UQCC1: variants seen among roughly 807,000 people sequenced by gnomAD.
The protein encoded by UQCC1 is ubiquinol-cytochrome c reductase complex assembly factor 1, also known as bFGF-repressed Zic-binding protein.
A neutral mutation model predicts 48.0 loss-of-function variants in UQCC1; 38 were observed. The ratio of observed to expected loss-of-function variants is 0.79; its 90% CI spans 0.61 to 1.04. The LOEUF (loss-of-function observed/expected upper bound fraction) is 1.04, where lower values mean the gene tolerates loss of function less well. UQCC1 is among the 50% of genes least tolerant of loss of function. The probability of loss-of-function intolerance (pLI) is 0.00; values close to 1 mark genes in which losing one functional copy is unlikely to be tolerated. For missense variants in UQCC1, 368 were observed against 381.8 expected (o/e 0.96, Z 0.30); for synonymous variants, 111 against 129.2 (o/e 0.86, Z 0.95).
intron 7 of UQCC1, among the ~76,000 whole-genome samples, chr20:35,333,372 A>G (rs994278783): frequency 1.4e-4 from 21 of 152,350 alleles, no homozygotes; most frequent in African/African-American, 3.8e-4. Context: ...TAAGTAATAA[A>G]GTCTGTGGGG....
rs147303363 is a variant in UQCC1 at position 35,347,173 on chromosome 20, T to C, written c.564A>G (p.Arg188=). Reference sequence around the variant, plus strand: ...GACAGCACTCACTTACCCCCATGACTCTGCCGCGCTGCTGAACATCCTCCC... The same window carrying C: ...GACAGCACTCACTTACCCCCATGACCCTGCCGCGCTGCTGAACATCCTCCC... The part of the protein sequence containing the change: ...FMWEDVQQRG[R]VMGVNPYILK... Residue 188 remains arginine, a synonymous_variant, in exon 7 of 10, where the codon AGA becomes AGG. Coordinates refer to ENST00000374385, the MANE Select transcript of UQCC1 (RefSeq NM_018244.5). 1.8e-4 allele frequency: 298 copies of C among 1,614,166 alleles called. 1 individual carries two copies. The African/African-American group carries it at 3.6e-3, about 20-fold the overall frequency.
At position 35,303,860 on chromosome 20, in the gene UQCC1, T is replaced by C; in HGVS notation, c.*75A>G. ...TCAGTTCAGGCCACTTTCTGCAGGGTCCTGGACCAACAGGCACTTCTCTCC... is the reference window on the plus strand; with the variant it reads ...TCAGTTCAGGCCACTTTCTGCAGGGCCCTGGACCAACAGGCACTTCTCTCC... On this transcript the variant is annotated 3_prime_UTR_variant, in exon 10 of 10. Coordinates refer to ENST00000374385, the MANE Select transcript of UQCC1 (RefSeq NM_018244.5). 8 of 1,606,864 alleles carry C rather than the reference T, an allele frequency of 5.0e-6. No individual in the cohort carries two copies. In the South Asian group the frequency reaches 7.7e-5, roughly 16 times the overall value.
At chr20:35,393,992 T>C in intron 2 of UQCC1, 100 bp downstream of exon 2, 1 of 1,165,700 alleles carries the variant, frequency 8.6e-7, no homozygotes. Flanking sequence ...TCTCATGAGG[T>C]TTTTCCATCA....
intron 2 of UQCC1, among the ~76,000 whole-genome samples, chr20:35,392,773 T>C (rs541035710): frequency 2.1e-4 from 32 of 151,988 alleles, no homozygotes; most frequent in African/African-American, 7.7e-4. Context: ...TACACATTAA[T>C]TGGAGGGAAT....
chr20:35,357,484 C>T (rs549701904), intron 6 of UQCC1, among the ~76,000 whole-genome samples: 2 of 149,752 alleles, frequency 1.3e-5, no homozygotes, highest in South Asian at 2.1e-4. Context: ...CACACCATTG[C>T]ACTCCAGCCT....
chr20:35,384,565 C>T, intron 2 of UQCC1: 1 of 431,212 alleles, frequency 2.3e-6, no homozygotes, highest in Non-Finnish European at 4.6e-6. Flanking sequence ...TCACTTGAGC[C>T]CAGAAGATCG....
chr20:35,375,792 A>C (rs1397788746), intron 4 of UQCC1, among the ~76,000 whole-genome samples: 1 of 151,988 alleles, frequency 6.6e-6, no homozygotes, highest in Non-Finnish European at 1.5e-5. Context: ...CATCTCTACC[A>C]AAAATACAAA....
At chr20:35,347,088 T>G (rs1568671715) in intron 7 of UQCC1, 76 bp downstream of exon 7, 2 of 1,614,128 alleles carry the variant, frequency 1.2e-6, no homozygotes. Context: ...CAGGGCCATT[T>G]TACAACAGAT....
chr20:35,380,828 A>C (rs1449142590), intron 4 of UQCC1, among the ~76,000 whole-genome samples: 1 of 152,184 alleles, frequency 6.6e-6, no homozygotes, highest in African/African-American at 2.4e-5. Context: ...AGTGTTTTGA[A>C]TTTTGGATTT....
chr20:35,302,680 A>G lies in UQCC1; in HGVS notation c.*1255T>C, dbSNP rs983959987. Reference sequence around the variant, plus strand: ...TGCCTGGCTCAGCTCTGGTTTATGTAAATAGTGCCCAGCTGTAATGAGTTA... The same window carrying G: ...TGCCTGGCTCAGCTCTGGTTTATGTGAATAGTGCCCAGCTGTAATGAGTTA... On this transcript the variant is annotated 3_prime_UTR_variant, in exon 10 of 10. Coordinates refer to ENST00000374385, the MANE Select transcript of UQCC1 (RefSeq NM_018244.5). The G allele has an allele frequency of 6.6e-6, 1 of 152,234 alleles. No homozygotes were observed. Among genetic ancestry groups the G allele is most frequent in the Non-Finnish European group, 1.5e-5 (1 of 68,048 alleles). 9.4% of individuals were successfully genotyped at this position (152,234 alleles called of 1,614,324 possible). A position where few individuals can be genotyped will look rare whatever the true frequency, so the allele number is the denominator to read the frequency against.
At chr20:35,362,515 C>A (rs1349076223) in intron 6 of UQCC1, among the ~76,000 whole-genome samples, 1 of 152,056 alleles carries the variant, frequency 6.6e-6, no homozygotes, top group Non-Finnish European at 1.5e-5. Context: ...CGCCACCATG[C>A]CTGGATAATT....
chr20:35,338,673 C>T (rs2061339433), intron 7 of UQCC1, among the ~76,000 whole-genome samples: 1 of 150,288 alleles, frequency 6.7e-6, no homozygotes, highest in Admixed American at 6.6e-5. Context: ...TGCTGAAACC[C>T]CGTCTCTACT....
chr20:35,397,639 C>T (rs1410889070), intron 1 of UQCC1, among the ~76,000 whole-genome samples: 4 of 151,808 alleles, frequency 2.6e-5, no homozygotes, highest in African/African-American at 7.2e-5. Context: ...TTACATAGCA[C>T]CTATATTGTA....
At chr20:35,358,711 C>G (rs932365087) in intron 6 of UQCC1, among the ~76,000 whole-genome samples, 1 of 152,090 alleles carries the variant, frequency 6.6e-6, no homozygotes. Context: ...AGGCACCCAC[C>G]ACCACACCCA....
At chr20:35,346,971 CA>C in intron 7 of UQCC1, 192 bp downstream of exon 7, 1 of 1,517,662 alleles carries the variant, frequency 6.6e-7, no homozygotes, top group South Asian at 1.2e-5. Flanking sequence ...ATAATGTGTA[CA>C]AACACATAAA....
rs57141083 is a variant in UQCC1 at position 35,384,966 on chromosome 20, C to CAAAAAAAAAAA, written c.130-844_130-834dup. 7.9e-4 allele frequency among the ~76,000 whole-genome samples: 55 copies of CAAAAAAAAAAA among 69,746 alleles called. 1 individual carries two copies. The highest frequency in any genetic ancestry group is 3.3e-3 in the African/African-American group (52 of 15,946). The allele number at this position is 69,746 out of a possible 152,430, so 45.8% of individuals were successfully genotyped here. On this transcript the variant is annotated intron_variant, in intron 2 of 9. Coordinates refer to ENST00000374385, the MANE Select transcript of UQCC1 (RefSeq NM_018244.5). Reference sequence around the variant, plus strand: ...TGGGCAACACAGCAAGAATCGGTCTCAAAAAAAAAAAAAAAAAAAAAAAAA... The same window carrying CAAAAAAAAAAA: ...TGGGCAACACAGCAAGAATCGGTCTCAAAAAAAAAAAAAAAAAAAAAAAAAAAAAAAAAAAA...
intron 7 of UQCC1, among the ~76,000 whole-genome samples, chr20:35,325,134 T>C (rs2061178071): frequency 6.6e-6 from 1 of 152,192 alleles, no homozygotes; most frequent in Non-Finnish European, 1.5e-5. Flanking sequence ...TTATATGAGG[T>C]ACTTAGGTAC....
At chr20:35,324,528 G>C (rs576497478) in intron 7 of UQCC1, among the ~76,000 whole-genome samples, 5 of 152,044 alleles carry the variant, frequency 3.3e-5, no homozygotes, top group Admixed American at 2.6e-4. Context: ...GGGTTTCACC[G>C]TGTTAGCCAG....
intron 3 of UQCC1, 34 bp from the exon 4 acceptor site, chr20:35,382,059 T>G: frequency 7.0e-7 from 1 of 1,425,188 alleles, no homozygotes; most frequent in Non-Finnish European, 9.7e-7. Context: ...CTAAAATTAG[T>G]TGCAAAAAAT....
Sources: allele counts gnomAD v4.1 joint callset (sites outside exome capture counted in the v4.1 genomes callset), GRCh38; gene constraint gnomAD v4.1.1; transcripts MANE v1.5; gene names NCBI Gene and HGNC (gene_info 2026-07-23, HGNC 2026-07-21).